Variants in COG5 observed in about 807,000 individuals in gnomAD.
COG5 encodes component of oligomeric golgi complex 5, also known as conserved oligomeric Golgi complex subunit 5.
Under a neutral mutation model 110.4 loss-of-function variants are expected in COG5, and 86 were observed. The observed-to-expected ratio is 0.78, with a 90% CI of 0.65 to 0.93. The LOEUF is 0.93. COG5 is among the 40% of genes least tolerant of loss of function. COG5 has a pLI of 0.00. For synonymous variants in COG5, 360 were observed against 334.6 expected (o/e 1.08, Z -0.83); for missense variants, 1,077 against 987.0 (o/e 1.09, Z -1.22).
At chr7:107,505,546 G>C (rs1798931417) in intron 6 of COG5, among the ~76,000 whole-genome samples, 1 of 152,132 alleles carries the variant, frequency 6.6e-6, no homozygotes, top group African/African-American at 2.4e-5. Flanking sequence ...AGCTCCCATG[G>C]GAAAAGCCCC....
intron 10 of COG5, among the ~76,000 whole-genome samples, chr7:107,359,885 C>T (rs1424982726): frequency 6.6e-6 from 1 of 152,122 alleles, no homozygotes; most frequent in Non-Finnish European, 1.5e-5. Flanking sequence ...CTCCTCTCTA[C>T]TGAAGACTGT....
At chr7:107,216,399 G>A (rs139005952) in intron 19 of COG5, among the ~76,000 whole-genome samples, 2,076 of 152,236 alleles carry the variant, frequency 0.014, 36 homozygotes, top group Admixed American at 0.021. Flanking sequence ...AGACCAAATG[G>A]ACCCAACAGA....
At chr7:107,506,022 T>C (rs1277556915) in intron 6 of COG5, among the ~76,000 whole-genome samples, 4 of 152,182 alleles carry the variant, frequency 2.6e-5, no homozygotes, top group South Asian at 2.1e-4. Context: ...TGGTTATGGA[T>C]AGTCTTAATG....
At chr7:107,340,123 C>T (rs1234126480) in intron 10 of COG5, among the ~76,000 whole-genome samples, 1 of 151,880 alleles carries the variant, frequency 6.6e-6, no homozygotes, top group Non-Finnish European at 1.5e-5. Flanking sequence ...GGCTGATAGA[C>T]CACTAGCTAG....
intron 16 of COG5, among the ~76,000 whole-genome samples, chr7:107,251,647 A>C (rs561604499): frequency 2.0e-5 from 3 of 152,290 alleles, no homozygotes; most frequent in African/African-American, 7.2e-5. Flanking sequence ...TCACAAAGGA[A>C]ATTAGAAAAA....
intron 6 of COG5, among the ~76,000 whole-genome samples, chr7:107,461,323 T>C (rs1795979273): frequency 1.3e-5 from 2 of 152,026 alleles, no homozygotes; most frequent in African/African-American, 4.8e-5. Context: ...GTTACTAGAT[T>C]AAATGAGAAA....
At chr7:107,457,831 C>A (rs992646994) in intron 6 of COG5, among the ~76,000 whole-genome samples, 4 of 152,020 alleles carry the variant, frequency 2.6e-5, no homozygotes, top group Non-Finnish European at 4.4e-5. Context: ...GATGAAAAAA[C>A]AAAAACAACA....
intron 14 of COG5, among the ~76,000 whole-genome samples, chr7:107,278,773 T>A (rs1412045926): frequency 6.6e-6 from 1 of 152,102 alleles, no homozygotes; most frequent in Non-Finnish European, 1.5e-5. Flanking sequence ...TTACCCCTTA[T>A]ACAAAAATTA....
intron 10 of COG5, among the ~76,000 whole-genome samples, chr7:107,349,853 C>T (rs1811982263): frequency 6.6e-6 from 1 of 152,042 alleles, no homozygotes; most frequent in Admixed American, 6.6e-5. Flanking sequence ...CCACAGCGCC[C>T]AGTCTTTTTT....
chr7:107,282,803 A>G (rs1805289371), intron 13 of COG5, among the ~76,000 whole-genome samples: 1 of 152,124 alleles, frequency 6.6e-6, no homozygotes, highest in Non-Finnish European at 1.5e-5. Context: ...GTGAGCCACC[A>G]TGCCTGGCCA....
intron 19 of COG5, among the ~76,000 whole-genome samples, chr7:107,219,335 G>A (rs1271490537): frequency 6.6e-6 from 1 of 152,162 alleles, no homozygotes; most frequent in African/African-American, 2.4e-5. Context: ...CCCCACTTGA[G>A]TACATATCCT....
At position 107,491,056 on chromosome 7, in the gene COG5, T is replaced by C. The variant is rs183495936; in HGVS notation, c.538+36181A>G. 1.9e-3 allele frequency among the ~76,000 whole-genome samples: 285 copies of C among 152,258 alleles called. 2 individuals carry two copies. Among genetic ancestry groups the C allele is most frequent in the African/African-American group, 6.6e-3 (276 of 41,568 alleles). On this transcript the variant is annotated intron_variant, in intron 6 of 21. Transcript: ENST00000297135. ...GCAGTTTTTATTGTTGTTGCTACCA[T>C]TTAACTCACTTTAAAATATCAATTT...
chr7:107,248,365 A>T (rs1374502495), intron 17 of COG5, 31 bp downstream of exon 17: 1 of 1,332,094 alleles, frequency 7.5e-7, no homozygotes, highest in Admixed American at 1.7e-5. Context: ...AGGCAGTAAA[A>T]GTTAGTAAAA....
At chr7:107,462,000 C>G (rs1311093559) in intron 6 of COG5, among the ~76,000 whole-genome samples, 1 of 152,120 alleles carries the variant, frequency 6.6e-6, no homozygotes, top group Non-Finnish European at 1.5e-5. Context: ...ATTAAAATCC[C>G]AGCTTCCATA....
chr7:107,235,062 T>C (rs911947370), intron 18 of COG5, among the ~76,000 whole-genome samples: 4 of 152,238 alleles, frequency 2.6e-5, no homozygotes, highest in Non-Finnish European at 5.9e-5. Flanking sequence ...TATGGTCTAA[T>C]GGTCCCAGGA....
At chr7:107,531,713 A>G (rs1801219988) in intron 5 of COG5, among the ~76,000 whole-genome samples, 2 of 150,604 alleles carry the variant, frequency 1.3e-5, no homozygotes, top group South Asian at 4.2e-4. Flanking sequence ...ATTTAAACAT[A>G]ATAAGGGATG....
At chr7:107,484,962 C>A (rs1328033974) in intron 6 of COG5, among the ~76,000 whole-genome samples, 1 of 152,112 alleles carries the variant, frequency 6.6e-6, no homozygotes, top group Non-Finnish European at 1.5e-5. Flanking sequence ...GTCTTAAAAA[C>A]AAAAATGGCC....
chr7:107,501,773 A>T (rs1359165864), intron 6 of COG5, among the ~76,000 whole-genome samples: 3 of 152,150 alleles, frequency 2.0e-5, no homozygotes, highest in Admixed American at 1.3e-4. Flanking sequence ...TTTGAGCACA[A>T]CATCACCCCC....
chr7:107,546,435 G>GTT (rs754919944), intron 5 of COG5, among the ~76,000 whole-genome samples: 1,470 of 119,490 alleles, frequency 0.012, 32 homozygotes, highest in African/African-American at 0.034. Flanking sequence ...TTGGTTTTTT[G>GTT]TTTTTTTTTT....
Sources: allele counts gnomAD v4.1 joint callset (sites outside exome capture counted in the v4.1 genomes callset), GRCh38; gene constraint gnomAD v4.1.1; transcripts MANE v1.5; gene names NCBI Gene and HGNC (gene_info 2026-07-23, HGNC 2026-07-21).